WDR72: variants seen among roughly 807,000 people sequenced by gnomAD.
WDR72 encodes the protein WD repeat domain 72, also known as WD repeat-containing protein 72.
WDR72 carries 120 observed loss-of-function variants against 124.2 expected under a neutral mutation model. The observed-to-expected ratio is 0.97, with a 90% CI of 0.83 to 1.12. The LOEUF is 1.12. Among genes scored for constraint, WDR72 ranks in the 50% most tolerant of loss-of-function variants. WDR72 has a pLI of 0.00. For missense variants in WDR72, 1,387 were observed against 1,278.8 expected, an observed-to-expected ratio of 1.08 and a Z score of -1.29; for synonymous variants, 452 against 441.7, an observed-to-expected ratio of 1.02 and a Z score of -0.29.
chr15:53,691,417 C>T (rs2016836496), intron 13 of WDR72, among the ~76,000 whole-genome samples: 1 of 152,180 alleles, frequency 6.6e-6, no homozygotes, highest in East Asian at 1.9e-4. Flanking sequence ...CTTATACATT[C>T]TGGGTATTAG....
At chr15:53,666,633 A>C (rs192895893) in intron 13 of WDR72, among the ~76,000 whole-genome samples, 15 of 152,318 alleles carry the variant, frequency 9.8e-5, no homozygotes, top group Non-Finnish European at 2.9e-5. Flanking sequence ...TTTAATAAAC[A>C]ATACCTAAAT....
At chr15:53,569,329 G>A (rs1048285391) in intron 18 of WDR72, among the ~76,000 whole-genome samples, 2 of 151,948 alleles carry the variant, frequency 1.3e-5, no homozygotes, top group African/African-American at 4.8e-5. Flanking sequence ...AGATGACAAG[G>A]ATTGCATAAC....
intron 17 of WDR72, among the ~76,000 whole-genome samples, chr15:53,607,561 C>G (rs78515813): frequency 0.012 from 1,807 of 152,192 alleles, 37 homozygotes; most frequent in African/African-American, 0.042. Flanking sequence ...AACTATCAAA[C>G]TACTACAAGA....
chr15:53,543,278 G>A lies in WDR72; in HGVS notation c.3149-19956C>T, dbSNP rs781521712. Among the ~76,000 whole-genome samples the A allele has an allele frequency of 4.8e-3, 723 of 150,226 alleles. 4 individuals are homozygous for A. Among genetic ancestry groups the A allele is most frequent in the Non-Finnish European group, 7.9e-3 (534 of 67,446 alleles). ...TCCTCAGCAAATGTAAAAGAACAGA[G>A]ATTATAACAAACTATCTCTCAGACC... On this transcript the variant is annotated intron_variant, in intron 18 of 19. Transcript: ENST00000360509.
At chr15:53,719,660 C>A (rs901077146) in intron 3 of WDR72, among the ~76,000 whole-genome samples, 1 of 152,152 alleles carries the variant, frequency 6.6e-6, no homozygotes. Context: ...TGGGTACTTG[C>A]TACTTCAAAT....
chr15:53,605,320 C>A (rs1027918181), intron 17 of WDR72, among the ~76,000 whole-genome samples: 11 of 152,048 alleles, frequency 7.2e-5, no homozygotes, highest in Admixed American at 2.6e-4. Flanking sequence ...AAGGGAACAA[C>A]CTACACTGCA....
At chr15:53,713,089 C>T (rs1240304392) in intron 6 of WDR72, among the ~76,000 whole-genome samples, 198 bp from the exon 7 acceptor site, 1 of 151,422 alleles carries the variant, frequency 6.6e-6, no homozygotes, top group East Asian at 1.9e-4. Flanking sequence ...ATAATCTGTA[C>T]ACCCAACCCC....
intron 13 of WDR72, among the ~76,000 whole-genome samples, chr15:53,694,273 A>C (rs2614206): frequency 0.97 from 147,085 of 152,168 alleles, 71,278 homozygotes; most frequent in East Asian, 1. Context: ...TATTTTGGCA[A>C]CTATCTTCCT....
intron 18 of WDR72, chr15:53,541,072 G>A (rs899260219): frequency 5.1e-5 from 8 of 158,360 alleles, no homozygotes; most frequent in Non-Finnish European, 1.1e-4. Context: ...GGGGAGGGAC[G>A]CCCGCCATTG....
intron 18 of WDR72, among the ~76,000 whole-genome samples, chr15:53,565,214 A>C (rs1894252745): frequency 6.6e-6 from 1 of 151,882 alleles, no homozygotes; most frequent in Non-Finnish European, 1.5e-5. Context: ...GACTCGAGGC[A>C]GGTGAGTTTA....
At chr15:53,679,634 A>G (rs1266440191) in intron 13 of WDR72, among the ~76,000 whole-genome samples, 1 of 152,224 alleles carries the variant, frequency 6.6e-6, no homozygotes, top group South Asian at 2.1e-4. Flanking sequence ...GCAGTGAGGT[A>G]TAGGAAGAAG....
intron 13 of WDR72, among the ~76,000 whole-genome samples, chr15:53,678,294 T>G (rs1282765753): frequency 6.6e-6 from 1 of 152,190 alleles, no homozygotes; most frequent in African/African-American, 2.4e-5. Context: ...ACGAAATAAA[T>G]GTAGCAATAG....
intron 13 of WDR72, among the ~76,000 whole-genome samples, chr15:53,669,354 T>C (rs1486410933): frequency 6.6e-6 from 1 of 152,104 alleles, no homozygotes; most frequent in Non-Finnish European, 1.5e-5. Context: ...ATACCCTCTC[T>C]AGCAAGGTCA....
At position 53,685,838 on chromosome 15, in the gene WDR72, C is replaced by T. The variant is rs2016601633; in HGVS notation, c.1765+13912G>A. On this transcript the variant is annotated intron_variant, in intron 13 of 19. Transcript: ENST00000360509. Reference sequence around the variant, plus strand: ...AGGTCGGGTTACCCTCAAAGGGAAGCCCATCAGACTAACAGCGGATCTCTC... The same window carrying T: ...AGGTCGGGTTACCCTCAAAGGGAAGTCCATCAGACTAACAGCGGATCTCTC... Among the ~76,000 whole-genome samples, 3 of 138,550 alleles carry T rather than the reference C, an allele frequency of 2.2e-5. No individual in the cohort carries two copies. The South Asian group carries it at 7.3e-4, about 34-fold the overall frequency. 90.9% of individuals were successfully genotyped at this position (138,550 alleles called of 152,430 possible).
intron 16 of WDR72, among the ~76,000 whole-genome samples, chr15:53,611,526 ATAAC>A (rs754534900): frequency 6.6e-6 from 1 of 152,160 alleles, no homozygotes; most frequent in Non-Finnish European, 1.5e-5. Flanking sequence ...AAAACACTGG[ATAAC>A]TAACCCTAAT....
chr15:53,515,077 A>ATATATATATACACACATATATATG lies in WDR72; in HGVS notation c.*2621_*2622insCATATATATGTGTGTATATATATA, dbSNP rs1891380875. On this transcript the variant is annotated 3_prime_UTR_variant, in exon 20 of 20. Transcript: ENST00000360509. ...TGTGTATATATATACACACATATAT[A>ATATATATATACACACATATATATG]TGTATGTATACACACACACACACAC... 1 of 48,226 alleles carries ATATATATATACACACATATATATG rather than the reference A, an allele frequency of 2.1e-5. No individual in the cohort carries two copies. Among genetic ancestry groups the ATATATATATACACACATATATATG allele is most frequent in the Non-Finnish European group, 5.7e-5 (1 of 17,396 alleles). 3.0% of individuals were successfully genotyped at this position (48,226 alleles called of 1,614,324 possible). A position where few individuals can be genotyped will look rare whatever the true frequency, so the allele number is the denominator to read the frequency against.
chr15:53,516,821 T>C lies in WDR72; in HGVS notation c.*878A>G, dbSNP rs898637938. ...TACAATATAAATCATAGTAAATAGA[T>C]CACCAAAGGCTTTAATAGAAGAGCA... On this transcript the variant is annotated 3_prime_UTR_variant, in exon 20 of 20. Coordinates refer to ENST00000360509, the MANE Select transcript of WDR72 (RefSeq NM_182758.4). 1 of 152,136 alleles carries C rather than the reference T, an allele frequency of 6.6e-6. No individual in the cohort carries two copies. The highest frequency in any genetic ancestry group is 2.4e-5 in the African/African-American group (1 of 41,462). 9.4% of individuals were successfully genotyped at this position (152,136 alleles called of 1,614,324 possible).
chr15:53,564,933 G>C (rs1894241303), intron 18 of WDR72, among the ~76,000 whole-genome samples: 1 of 151,834 alleles, frequency 6.6e-6, no homozygotes, highest in Admixed American at 6.6e-5. Context: ...GCTGAGCTCT[G>C]ATATATACCT....
chr15:53,536,364 T>A (rs1892761362), intron 18 of WDR72, among the ~76,000 whole-genome samples: 1 of 152,174 alleles, frequency 6.6e-6, no homozygotes, highest in African/African-American at 2.4e-5. Flanking sequence ...GGTTAAGTTG[T>A]TGAATGGTTG....
Sources: allele counts gnomAD v4.1 joint callset (sites outside exome capture counted in the v4.1 genomes callset), GRCh38; gene constraint gnomAD v4.1.1; transcripts MANE v1.5; gene names NCBI Gene and HGNC (gene_info 2026-07-23, HGNC 2026-07-21).